The following MPDZ variants were observed in gnomAD, a reference collection of about 807,000 sequenced individuals.
The protein encoded by MPDZ is multiple PDZ domain crumbs cell polarity complex component, also known as multiple PDZ domain protein.
In MPDZ, 234 loss-of-function variants were observed where a neutral mutation model predicts 239.1. The observed-to-expected ratio is 0.98, with a 90% CI of 0.88 to 1.09. The LOEUF (loss-of-function observed/expected upper bound fraction) is 1.09, where lower values mean the gene tolerates loss of function less well. MPDZ is among the 50% of genes least tolerant of loss of function. MPDZ has a pLI of 0.00. For synonymous variants in MPDZ, 1,048 were observed against 881.3 expected (o/e 1.19, Z -3.35); for missense variants, 3,175 against 2,510.0 (o/e 1.26, Z -5.66).
intron 8 of MPDZ, 55 bp from the exon 9 acceptor site, chr9:13,217,349 CAAA>C: frequency 8.8e-7 from 1 of 1,137,270 alleles, no homozygotes. Flanking sequence ...AAACAAAAAA[CAAA>C]AAACAAACAA....
Position 13,190,317 on chromosome 9 carries a change from G to A in MPDZ, c.1969-18C>T, listed in dbSNP as rs1954732744. The A allele has an allele frequency of 2.0e-6, 3 of 1,498,844 alleles. No individual in the cohort carries two copies. In the African/African-American group the frequency reaches 4.2e-5, roughly 21 times the overall value. 92.8% of individuals were successfully genotyped at this position (1,498,844 alleles called of 1,614,324 possible). A position where few individuals can be genotyped will look rare whatever the true frequency, so the allele number is the denominator to read the frequency against. On this transcript the variant is annotated intron_variant, in intron 15 of 46. Coordinates refer to ENST00000319217, the MANE Select transcript of MPDZ (RefSeq NM_001378778.1). Reference sequence around the variant, plus strand: ...ACGTGAGGCTGGATAATATCAGACAGCTCTTATTTCAGAGGCATTGCATTA... The same window carrying A: ...ACGTGAGGCTGGATAATATCAGACAACTCTTATTTCAGAGGCATTGCATTA...
chr9:13,113,152 T>C, intron 41 of MPDZ, 98 bp from the exon 42 acceptor site: 2 of 1,134,054 alleles, frequency 1.8e-6, no homozygotes, highest in Non-Finnish European at 2.5e-6. Flanking sequence ...AATGATAACC[T>C]AGGTTTCTTT....
intron 38 of MPDZ, 120 bp downstream of exon 38, chr9:13,121,619 A>G: frequency 9.9e-7 from 1 of 1,005,228 alleles, no homozygotes; most frequent in Non-Finnish European, 1.5e-6. Context: ...GGGGGCTAAC[A>G]ACAGCTACCT....
intron 12 of MPDZ, among the ~76,000 whole-genome samples, chr9:13,203,994 T>C (rs1256493094): frequency 6.6e-6 from 1 of 152,172 alleles, no homozygotes; most frequent in East Asian, 1.9e-4. Context: ...ATGTTATTAG[T>C]ACAAGTGAAC....
intron 1 of MPDZ, chr9:13,274,500 AAAGT>A (rs926319629): frequency 3.9e-5 from 6 of 152,088 alleles, no homozygotes; most frequent in Non-Finnish European, 8.8e-5. Flanking sequence ...CAGAAGAAAA[AAAGT>A]AAGAGTTTGT....
At chr9:13,226,856 T>C (rs1960782074) in intron 3 of MPDZ, among the ~76,000 whole-genome samples, 1 of 152,010 alleles carries the variant, frequency 6.6e-6, no homozygotes, top group Non-Finnish European at 1.5e-5. Flanking sequence ...AGAAAAAAAA[T>C]GTTTATCTAT....
intron 3 of MPDZ, among the ~76,000 whole-genome samples, chr9:13,246,381 G>A (rs1041781183): frequency 1.3e-5 from 2 of 152,182 alleles, no homozygotes; most frequent in African/African-American, 2.4e-5. Context: ...GATAGAGGCT[G>A]CAGTGAGCAG....
intron 21 of MPDZ, among the ~76,000 whole-genome samples, chr9:13,173,545 C>T (rs1279258184): frequency 6.6e-6 from 1 of 151,566 alleles, no homozygotes; most frequent in East Asian, 1.9e-4. Flanking sequence ...TCTACTAAAA[C>T]ACAAAAAATC....
At chr9:13,113,828 T>G (rs1942909547) in intron 41 of MPDZ, 103 bp downstream of exon 41, 7 of 862,110 alleles carry the variant, frequency 8.1e-6, no homozygotes, top group Non-Finnish European at 1.3e-5. Context: ...TATTTGGATA[T>G]GGGATGATTT....
rs868092432 is a variant in MPDZ, at chr9:13,126,762, C to T, written c.4475G>A (p.Gly1492Asp). 3 of 1,612,306 alleles carry T rather than the reference C, an allele frequency of 1.9e-6. No homozygotes were observed. The highest frequency in any genetic ancestry group is 2.5e-6 in the Non-Finnish European group (3 of 1,178,626). ...QHLELPKDQG[G>D]LGIAISEEDT... The stretch of plus-strand genomic sequence containing the variant: ...TTCTTCGCTGATAGCAATACCCAAA[C>T]CCCCCTGATCCTAGAAAAGTAAAAA... The change falls in exon 33 of 47, where the codon GGT (glycine) becomes GAT (aspartate). Residue 1492 changes from glycine to aspartate, a missense_variant. By Grantham distance (94) the Gly-to-Asp change is moderately conservative (BLOSUM62 -1). Transcript: ENST00000319217.
chr9:13,262,118 C>CT (rs1199018567), intron 1 of MPDZ, among the ~76,000 whole-genome samples: 2 of 151,618 alleles, frequency 1.3e-5, no homozygotes, highest in Non-Finnish European at 2.9e-5. Context: ...TAAATGAAAT[C>CT]TTAGTAACTG....
intron 24 of MPDZ, among the ~76,000 whole-genome samples, chr9:13,155,435 C>T (rs1319986567): frequency 6.6e-6 from 1 of 151,890 alleles, no homozygotes; most frequent in African/African-American, 2.4e-5. Context: ...ATGAATCTGA[C>T]AATGAATAAA....
rs1328293543 is a variant in MPDZ at position 13,122,158 on chromosome 9, T to C, written c.4966A>G (p.Ile1656Val). Residue 1656 changes from isoleucine (I) to valine (V), a missense_variant, in exon 37 of 47, where the codon ATC (isoleucine) becomes GTC (valine). Coordinates refer to ENST00000319217, the MANE Select transcript of MPDZ (RefSeq NM_001378778.1). ...GCTCCTTCTTCATAAACTTCATGGA[T>C]AATAATGGCACCCTAAGGGCCCAAA... ...GSDTLLGAII[I>V]HEVYEEGAAC... is the part of the protein sequence containing the mutation. The C allele has an allele frequency of 6.2e-7, 1 of 1,613,968 alleles. No individual in the cohort carries two copies. The highest frequency in any genetic ancestry group is 8.5e-7 in the Non-Finnish European group (1 of 1,179,892).
chr9:13,119,626 G>C lies in MPDZ; in HGVS notation c.5255C>G (p.Ser1752Ter). ...TGCAATTCCTCCTTTGACAATGTCT[G>C]ACACAAATACTCCAGTATCGTTTCT... is the stretch of plus-strand genomic sequence containing the variant. The part of the protein sequence containing the change: ...GKRNDTGVFV[S>*]DIVKGGIADA... The change falls in exon 39 of 47, where the codon TCA (serine) becomes TGA (stop). Residue 1752 changes from serine to a stop codon, truncating the protein, a stop_gained. Transcript: ENST00000319217. LOFTEE classifies it high-confidence loss of function. The C allele has an allele frequency of 6.2e-7, 1 of 1,613,874 alleles. No homozygotes were observed. Among genetic ancestry groups the C allele is most frequent in the Non-Finnish European group, 8.5e-7 (1 of 1,179,844 alleles).
At position 13,192,581 on chromosome 9, in the gene MPDZ, A is replaced by T. The variant is rs1955084730; in HGVS notation, c.1804-286T>A. 2.0e-5 allele frequency among the ~76,000 whole-genome samples: 3 copies of T among 152,294 alleles called. No individual in the cohort carries two copies. The South Asian group carries it at 6.2e-4, about 32-fold the overall frequency. ...AAAAAGAGACAATAAAAATATTTCC[A>T]AAGAATGAAAAGGACAAGGAGAAGA... On this transcript the variant is annotated intron_variant, in intron 14 of 46. Transcript: ENST00000319217.
chr9:13,248,520 C>T lies in MPDZ; in HGVS notation c.17-719G>A, dbSNP rs7042184. Among the ~76,000 whole-genome samples, 288 of 152,148 alleles carry T rather than the reference C, an allele frequency of 1.9e-3. 4 individuals carry two copies. Among genetic ancestry groups the T allele is most frequent in the African/African-American group, 6.5e-3 (269 of 41,516 alleles). ...TTCCACCACAAATAATAGTTAAAAA[C>T]CTTTCCCTGAAACACAAACATATAC... On this transcript the variant is annotated intron_variant, in intron 2 of 46. Transcript: ENST00000319217.
Position 13,175,607 on chromosome 9 carries a change from G to A in MPDZ, c.3055+145C>T, listed in dbSNP as rs188249320. On this transcript the variant is annotated intron_variant, in intron 21 of 46. Transcript: ENST00000319217. ...CTGTAAACCATTTCAAAAAAATAAT[G>A]AGGACATAGAAATAAAAACTACAGG... 9.3e-4 allele frequency: 738 copies of A among 795,412 alleles called. 9 individuals carry two copies. The Admixed American group carries it at 0.019, about 20-fold the overall frequency. The allele number at this position is 795,412 out of a possible 1,614,324, so 49.3% of individuals were successfully genotyped here. A position where few individuals can be genotyped will look rare whatever the true frequency, so the allele number is the denominator to read the frequency against.
chr9:13,202,301 G>A (rs1479846737), intron 12 of MPDZ, among the ~76,000 whole-genome samples: 1 of 152,110 alleles, frequency 6.6e-6, no homozygotes, highest in Admixed American at 6.6e-5. Flanking sequence ...TTTTATTGTT[G>A]TCCTGCTATG....
chr9:13,228,028 T>C (rs755949215), intron 3 of MPDZ, among the ~76,000 whole-genome samples: 8 of 152,160 alleles, frequency 5.3e-5, no homozygotes, highest in Non-Finnish European at 2.9e-5. Flanking sequence ...CCTTGATAGG[T>C]CTGTTCATAG....
Sources: gnomAD v4.1 joint callset for allele counts (sites outside exome capture counted in the v4.1 genomes callset) on GRCh38, gnomAD v4.1.1 for gene constraint, MANE v1.5 for transcripts, NCBI Gene and HGNC (gene_info 2026-07-23, HGNC 2026-07-21) for gene names.